PRDM10: variants seen among roughly 807,000 people sequenced by gnomAD.
PRDM10 encodes PR domain zinc finger protein 10.
Under a neutral mutation model 133.1 loss-of-function variants are expected in PRDM10, and 65 were observed. That is an observed-to-expected ratio of 0.49 (90% CI 0.40 to 0.60). The LOEUF (loss-of-function observed/expected upper bound fraction) is 0.60. Ranked by LOEUF, PRDM10 falls within the 20% of genes least tolerant of loss-of-function variation. The probability of loss-of-function intolerance (pLI) is 0.00; values close to 1 mark genes in which losing one functional copy is unlikely to be tolerated. For missense variants in PRDM10, 1,137 were observed against 1,507.1 expected, an observed-to-expected ratio of 0.75 and a Z score of 4.07; for synonymous variants, 582 against 580.4, an observed-to-expected ratio of 1.00 and a Z score of -0.04.
intron 1 of PRDM10, among the ~76,000 whole-genome samples, chr11:129,975,347 C>G (rs1426315702): frequency 2.6e-5 from 4 of 151,810 alleles, no homozygotes; most frequent in Admixed American, 2.0e-4. Context: ...TTGCTTGAAC[C>G]TGGGGAGGCG....
chr11:130,002,332 G>GGGGGAGGCTGCGCGCGGCGAAGGCA, intron 1 of PRDM10, among the ~76,000 whole-genome samples: 1 of 151,970 alleles, frequency 6.6e-6, no homozygotes, highest in African/African-American at 2.4e-5. Flanking sequence ...GGGGGTCGCA[G>GGGGGAGGCTGCGCGCGGCGAAGGCA]GGGGAGGCTG....
chr11:129,979,621 CTG>C (rs1937990059), intron 1 of PRDM10, among the ~76,000 whole-genome samples: 1 of 152,344 alleles, frequency 6.6e-6, no homozygotes, highest in East Asian at 1.9e-4. Flanking sequence ...TTCTATCCCA[CTG>C]TGTTTTGACT....
chr11:129,962,862 G>T (rs1320493075), intron 1 of PRDM10, among the ~76,000 whole-genome samples: 1 of 152,004 alleles, frequency 6.6e-6, no homozygotes, highest in Non-Finnish European at 1.5e-5. Flanking sequence ...ATTAAGAAAG[G>T]AATAGGCTGG....
intron 4 of PRDM10, among the ~76,000 whole-genome samples, chr11:129,953,901 T>C (rs547844189): frequency 6.8e-6 from 1 of 146,584 alleles, no homozygotes; most frequent in Non-Finnish European, 1.5e-5. Context: ...TATCCTAATA[T>C]ATAAAAATAT....
intron 2 of PRDM10, among the ~76,000 whole-genome samples, chr11:129,960,295 A>T (rs1951771852): frequency 6.6e-6 from 1 of 152,194 alleles, no homozygotes; most frequent in African/African-American, 2.4e-5. Context: ...TATGACTGCT[A>T]ATCATCCCAA....
chr11:129,937,239 A>G (rs982519067), intron 8 of PRDM10, among the ~76,000 whole-genome samples: 140 of 152,314 alleles, frequency 9.2e-4, no homozygotes, highest in African/African-American at 3.2e-3. Flanking sequence ...TGATGTGTGC[A>G]GCTTTCTGTA....
chr11:130,002,159 C>T (rs1010852779), intron 1 of PRDM10, among the ~76,000 whole-genome samples: 1 of 149,042 alleles, frequency 6.7e-6, no homozygotes, highest in African/African-American at 2.4e-5. Context: ...CCCCCAGCCC[C>T]CGGTGCTCGG....
chr11:129,940,543 T>A (rs540523729), intron 7 of PRDM10, among the ~76,000 whole-genome samples: 1 of 152,226 alleles, frequency 6.6e-6, no homozygotes, highest in Non-Finnish European at 1.5e-5. Flanking sequence ...GTTTTAAAAA[T>A]TATTAATGTT....
rs1949835958 is a variant in PRDM10, at chr11:129,901,216, CTTAT to C, written c.*1093_*1096del. On this transcript the variant is annotated 3_prime_UTR_variant, in exon 21 of 21. Transcript: ENST00000360871. The stretch of plus-strand genomic sequence containing the variant: ...TTTCCCTAAGTGTGAAGTTGACCGT[CTTAT>C]TAAAAGGTCTAGATGAGTCACAATA... The C allele has an allele frequency of 6.6e-6, 1 of 152,550 alleles. No homozygotes were observed. The highest frequency in any genetic ancestry group is 1.5e-5 in the Non-Finnish European group (1 of 68,016). 9.4% of individuals were successfully genotyped at this position (152,550 alleles called of 1,614,324 possible). A position where few individuals can be genotyped will look rare whatever the true frequency, so the allele number is the denominator to read the frequency against.
At chr11:129,943,555 G>A (rs1158402991) in intron 6 of PRDM10, among the ~76,000 whole-genome samples, 2 of 152,126 alleles carry the variant, frequency 1.3e-5, no homozygotes, top group Non-Finnish European at 2.9e-5. Flanking sequence ...CAACAGGACT[G>A]GTCCTTATAA....
intron 1 of PRDM10, among the ~76,000 whole-genome samples, 184 bp downstream of exon 1, chr11:130,002,538 C>A (rs563293835): frequency 1.1e-4 from 16 of 152,174 alleles, no homozygotes; most frequent in South Asian, 8.3e-4. Context: ...TTCTCCCCCC[C>A]ACCACCACCA....
chr11:129,990,378 C>T (rs1565515081), intron 1 of PRDM10, among the ~76,000 whole-genome samples: 3 of 148,400 alleles, frequency 2.0e-5, no homozygotes, highest in South Asian at 2.2e-4. Context: ...AAAAATAAGC[C>T]GGGCGTGGTG....
chr11:129,993,665 T>C (rs2135999107), intron 1 of PRDM10, among the ~76,000 whole-genome samples: 1 of 152,262 alleles, frequency 6.6e-6, no homozygotes, highest in African/African-American at 2.4e-5. Flanking sequence ...TTTGTATTTT[T>C]AGTAGAGACG....
At chr11:129,946,402 C>T (rs553997072) in intron 5 of PRDM10, among the ~76,000 whole-genome samples, 1 of 152,288 alleles carries the variant, frequency 6.6e-6, no homozygotes, top group African/African-American at 2.4e-5. Flanking sequence ...TTACCACCAC[C>T]ACACAGAAGG....
chr11:129,938,375 C>T (rs191956372), intron 7 of PRDM10, among the ~76,000 whole-genome samples: 31 of 152,340 alleles, frequency 2.0e-4, no homozygotes, highest in African/African-American at 7.2e-4. Flanking sequence ...TTCCAACTCA[C>T]ACCTCCACCC....
At chr11:129,981,456 G>A in intron 1 of PRDM10, among the ~76,000 whole-genome samples, 1 of 152,166 alleles carries the variant, frequency 6.6e-6, no homozygotes, top group East Asian at 1.9e-4. Flanking sequence ...ATGGAGAAAT[G>A]TAATCATACT....
In PRDM10 at chr11:129,924,972, A is replaced by T; in HGVS notation, c.1788T>A (p.Leu596=). ...CIFCPESFDR[L]DLLKDHVAIH... is the part of the protein sequence containing the mutation. ...TGGCCACATGATCTTTCAACAAATC[A>T]AGGCGGTCAAAGGATTCTGGGCAAA... Residue 596 remains leucine (L), a synonymous_variant, in exon 12 of 21, where the codon CTT becomes CTA. Transcript: ENST00000360871. 1 of 1,614,186 alleles carries T rather than the reference A, an allele frequency of 6.2e-7. No individual in the cohort carries two copies. Among genetic ancestry groups the T allele is most frequent in the Non-Finnish European group, 8.5e-7 (1 of 1,180,030 alleles).
intron 3 of PRDM10, among the ~76,000 whole-genome samples, chr11:129,956,771 A>G (rs977192252): frequency 1.3e-5 from 2 of 152,184 alleles, no homozygotes; most frequent in South Asian, 4.1e-4. Context: ...GGCGGGCCTC[A>G]TTTCTATTTG....
At chr11:129,937,529 T>A in intron 8 of PRDM10, 69 bp downstream of exon 8, 1 of 1,436,366 alleles carries the variant, frequency 7.0e-7, no homozygotes, top group Admixed American at 2.3e-5. Context: ...AAATTAGAGG[T>A]TTCATAAAGA....
Sources: gnomAD v4.1 joint callset for allele counts (sites outside exome capture counted in the v4.1 genomes callset) on GRCh38, gnomAD v4.1.1 for gene constraint, MANE v1.5 for transcripts, NCBI Gene and HGNC (gene_info 2026-07-23, HGNC 2026-07-21) for gene names.